Variants in DEPDC1B observed in about 807,000 individuals in gnomAD.
The protein encoded by DEPDC1B is DEP domain-containing protein 1B.
DEPDC1B carries 51 observed loss-of-function variants against 66.5 expected under a neutral mutation model. The observed-to-expected ratio is 0.77, with a 90% confidence interval of 0.61 to 0.97. DEPDC1B has a LOEUF of 0.97. Among genes scored for constraint, DEPDC1B ranks in the 50% least tolerant of loss-of-function variants. The probability of loss-of-function intolerance (pLI) is 0.00; values close to 1 mark genes in which losing one functional copy is unlikely to be tolerated. For synonymous variants in DEPDC1B, 226 were observed against 223.6 expected, an observed-to-expected ratio of 1.01 and a Z score of -0.10; for missense variants, 552 against 637.1, an observed-to-expected ratio of 0.87 and a Z score of 1.44.
intron 7 of DEPDC1B, among the ~76,000 whole-genome samples, chr5:60,606,609 CAAAAAA>C (rs60544270): frequency 1.3e-4 from 6 of 46,618 alleles, no homozygotes; most frequent in African/African-American, 3.2e-4. Flanking sequence ...CCCATTTCTA[CAAAAAA>C]AAAAAAAAAA....
At chr5:60,615,456 C>A (rs533476199) in intron 7 of DEPDC1B, among the ~76,000 whole-genome samples, 2 of 152,296 alleles carry the variant, frequency 1.3e-5, no homozygotes, top group South Asian at 4.2e-4. Context: ...CCTAATACTG[C>A]ACTTTTCCAA....
chr5:60,689,789 C>T lies in DEPDC1B; in HGVS notation c.49-2562G>A, dbSNP rs1350299054. 2.0e-5 allele frequency among the ~76,000 whole-genome samples: 3 copies of T among 152,042 alleles called. No individual in the cohort carries two copies. In the East Asian group the frequency reaches 5.8e-4, roughly 29 times the overall value. On this transcript the variant is annotated intron_variant, in intron 1 of 10. Transcript: ENST00000265036. ...AGGTGCAGTGGCTTACACCCCTAAT[C>T]CCAGCACTTTGAGAGGATGAGGTGG...
chr5:60,624,278 G>A (rs992459122), intron 7 of DEPDC1B, among the ~76,000 whole-genome samples: 4 of 151,964 alleles, frequency 2.6e-5, no homozygotes, highest in South Asian at 2.1e-4. Flanking sequence ...TCATCCTATC[G>A]ATATGATGAA....
chr5:60,646,615 TTTC>T (rs1753322017), intron 3 of DEPDC1B, among the ~76,000 whole-genome samples: 1 of 152,214 alleles, frequency 6.6e-6, no homozygotes, highest in South Asian at 2.1e-4. Flanking sequence ...CATGTAGCAT[TTTC>T]TTCTTCTTGT....
chr5:60,605,890 C>T (rs758606562), intron 7 of DEPDC1B, 34 bp from the exon 8 acceptor site: 2 of 1,565,814 alleles, frequency 1.3e-6, no homozygotes, highest in South Asian at 2.4e-5. Flanking sequence ...TATCTTTCAA[C>T]ACCTATAGCC....
At chr5:60,671,889 A>C (rs17387940) in intron 2 of DEPDC1B, among the ~76,000 whole-genome samples, 52,281 of 152,118 alleles carry the variant, frequency 0.34, 10,601 homozygotes, top group East Asian at 0.57. Context: ...AAGAATAAAC[A>C]ACAGTCTTTG....
At chr5:60,608,434 CTATA>C (rs1466176282) in intron 7 of DEPDC1B, among the ~76,000 whole-genome samples, 8 of 148,226 alleles carry the variant, frequency 5.4e-5, no homozygotes, top group Non-Finnish European at 1.2e-4. Context: ...TATCAATAGA[CTATA>C]TATTATATTA....
At chr5:60,664,243 G>A (rs181763788) in intron 2 of DEPDC1B, among the ~76,000 whole-genome samples, 176 of 152,312 alleles carry the variant, frequency 1.2e-3, no homozygotes, top group South Asian at 2.1e-3. Context: ...CTTGCAACCC[G>A]TGGCATACCT....
At chr5:60,675,851 C>T (rs1252248653) in intron 2 of DEPDC1B, among the ~76,000 whole-genome samples, 1 of 152,034 alleles carries the variant, frequency 6.6e-6, no homozygotes, top group African/African-American at 2.4e-5. Context: ...AGAACAAAGA[C>T]TCCATCACTG....
At chr5:60,628,580 A>G (rs1752853103) in intron 7 of DEPDC1B, 2 of 152,218 alleles carry the variant, frequency 1.3e-5, no homozygotes, top group South Asian at 4.1e-4. Flanking sequence ...CAGACTACAC[A>G]TCAATTAGTA....
chr5:60,656,662 G>A (rs1351618094), intron 2 of DEPDC1B, among the ~76,000 whole-genome samples: 2 of 152,190 alleles, frequency 1.3e-5, no homozygotes, highest in Non-Finnish European at 2.9e-5. Flanking sequence ...AGAAGGGGAA[G>A]CAAACGTGTC....
chr5:60,629,329 A>G (rs2111815297), intron 7 of DEPDC1B, among the ~76,000 whole-genome samples: 1 of 152,340 alleles, frequency 6.6e-6, no homozygotes, highest in South Asian at 2.1e-4. Context: ...TCTCTTCAAT[A>G]TACTGATTTC....
chr5:60,650,671 G>A (rs1054261220), intron 2 of DEPDC1B, among the ~76,000 whole-genome samples: 2 of 152,146 alleles, frequency 1.3e-5, no homozygotes, highest in Non-Finnish European at 2.9e-5. Context: ...GGAAAGTATG[G>A]ACTGTTCAAT....
At chr5:60,683,276 T>TA in intron 2 of DEPDC1B, among the ~76,000 whole-genome samples, 1 of 152,004 alleles carries the variant, frequency 6.6e-6, no homozygotes, top group South Asian at 2.1e-4. Context: ...CAAAATTTTT[T>TA]AAAAAAATTA....
At chr5:60,607,291 C>A (rs564004457) in intron 7 of DEPDC1B, among the ~76,000 whole-genome samples, 1 of 152,030 alleles carries the variant, frequency 6.6e-6, no homozygotes, top group Admixed American at 6.6e-5. Flanking sequence ...TGTGCATGGA[C>A]GGGAAAGGAG....
intron 2 of DEPDC1B, among the ~76,000 whole-genome samples, chr5:60,668,393 G>A (rs991878481): frequency 6.6e-6 from 1 of 150,402 alleles, no homozygotes; most frequent in African/African-American, 2.4e-5. Context: ...TCCTGCCTCA[G>A]CCTCCCAAGT....
At chr5:60,651,747 T>C (rs1226210702) in intron 2 of DEPDC1B, among the ~76,000 whole-genome samples, 1 of 152,048 alleles carries the variant, frequency 6.6e-6, no homozygotes, top group African/African-American at 2.4e-5. Flanking sequence ...TGTGAAACAG[T>C]ATGGAAGGTG....
intron 7 of DEPDC1B, among the ~76,000 whole-genome samples, chr5:60,615,592 C>A (rs539784378): frequency 6.6e-4 from 101 of 152,154 alleles, no homozygotes; most frequent in Admixed American, 1.4e-3. Flanking sequence ...GGCAGCCAGG[C>A]TGGGGGAGGG....
intron 10 of DEPDC1B, 65 bp downstream of exon 10, chr5:60,599,005 TTAAAA>T: frequency 7.7e-7 from 1 of 1,292,740 alleles, no homozygotes. Context: ...ATGAAGCCTA[TTAAAA>T]TAAAAAAAAA....
Sources: gnomAD v4.1 joint callset for allele counts (sites outside exome capture counted in the v4.1 genomes callset) on GRCh38, gnomAD v4.1.1 for gene constraint, MANE v1.5 for transcripts, NCBI Gene and HGNC (gene_info 2026-07-23, HGNC 2026-07-21) for gene names.